The following DDX21 variants were observed in gnomAD, a reference collection of about 807,000 sequenced individuals.
The protein encoded by DDX21 is DExD-box helicase 21, also known as nucleolar RNA helicase 2.
Under a neutral mutation model 90.0 loss-of-function variants are expected in DDX21, and 18 were observed. The ratio of observed to expected loss-of-function variants is 0.20; its 90% CI spans 0.14 to 0.30. The LOEUF is 0.30. Among genes scored for constraint, DDX21 ranks in the 10% least tolerant of loss-of-function variants. DDX21 has a pLI of 1.00. For synonymous variants in DDX21, 294 were observed against 318.0 expected (o/e 0.92, Z 0.80); for missense variants, 673 against 944.5 (o/e 0.71, Z 3.77).
chr10:68,980,973 T>C (rs1216028952), intron 13 of DDX21, among the ~76,000 whole-genome samples: 1 of 151,540 alleles, frequency 6.6e-6, no homozygotes, highest in African/African-American at 2.4e-5. Flanking sequence ...AAAAAAAAGA[T>C]GGTGTCCTGT....
rs1351770058 is a variant in DDX21, at chr10:68,984,857, T to C, written c.*2045T>C. Reference sequence around the variant, plus strand: ...AACCTGTATTTATAAATGTATAATGTATTTAGCTACTTTTTGGTTTAAATG... The same window carrying C: ...AACCTGTATTTATAAATGTATAATGCATTTAGCTACTTTTTGGTTTAAATG... On this transcript the variant is annotated 3_prime_UTR_variant, in exon 15 of 15. Transcript: ENST00000354185. 2 of 152,246 alleles carry C rather than the reference T, an allele frequency of 1.3e-5. No homozygotes were observed. Among genetic ancestry groups the C allele is most frequent in the African/African-American group, 4.8e-5 (2 of 41,466 alleles). 9.4% of individuals were successfully genotyped at this position (152,246 alleles called of 1,614,324 possible).
intron 11 of DDX21, among the ~76,000 whole-genome samples, chr10:68,976,596 G>A (rs1433512602): frequency 6.6e-6 from 1 of 151,958 alleles, no homozygotes; most frequent in East Asian, 1.9e-4. Context: ...CTGGAAGAGT[G>A]TATTTTAACT....
chr10:68,979,253 C>A (rs1843152319), intron 13 of DDX21, among the ~76,000 whole-genome samples: 1 of 151,724 alleles, frequency 6.6e-6, no homozygotes, highest in Admixed American at 6.6e-5. Context: ...TTTTCAGAAT[C>A]TTTTTTTTTC....
intron 5 of DDX21, 41 bp downstream of exon 5, chr10:68,965,535 A>G: frequency 1.5e-6 from 2 of 1,375,234 alleles, no homozygotes; most frequent in Non-Finnish European, 2.1e-6. Context: ...AATGCCACCC[A>G]TTGTTGACTG....
rs963288137 is a variant in DDX21 at position 68,959,686 on chromosome 10, GC to G, written c.88-116del. On this transcript the variant is annotated intron_variant, in intron 1 of 14. Transcript: ENST00000354185. Reference sequence around the variant, plus strand: ...AGCATGAAAGTACAAATGTCGAAATGCCCCAAAATTGTATTTTTTAAAGTTG... The same window carrying G: ...AGCATGAAAGTACAAATGTCGAAATGCCCAAAATTGTATTTTTTAAAGTTG... The G allele has an allele frequency of 1.8e-5, 14 of 774,214 alleles. No homozygotes were observed. The Admixed American group carries it at 1.9e-4, about 10-fold the overall frequency. 48.0% of individuals were successfully genotyped at this position (774,214 alleles called of 1,614,324 possible). A position where few individuals can be genotyped will look rare whatever the true frequency, so the allele number is the denominator to read the frequency against.
Position 68,956,223 on chromosome 10 carries a change from A to G in DDX21, c.-3A>G. ...CGGTCGGCCTGGGCAACCTGCGCTG[A>G]AGATGCCGGGAAAACTCCGTAGTGA... On this transcript the variant is annotated 5_prime_UTR_variant, in exon 1 of 15. Transcript: ENST00000354185. 3 of 1,614,034 alleles carry G rather than the reference A, an allele frequency of 1.9e-6. No individual in the cohort carries two copies. In the South Asian group the frequency reaches 3.3e-5, roughly 18 times the overall value.
Position 68,970,346 on chromosome 10 carries a change from A to C in DDX21, c.1382A>C (p.Lys461Thr), listed in dbSNP as rs1391215998. 1 of 1,613,730 alleles carries C rather than the reference A, an allele frequency of 6.2e-7. No individual in the cohort carries two copies. Among genetic ancestry groups the C allele is most frequent in the Non-Finnish European group, 8.5e-7 (1 of 1,179,800 alleles). Residue 461 changes from lysine to threonine, a missense_variant, in exon 8 of 15, where the codon AAG becomes ACG. By Grantham distance (78) the Lys-to-Thr change is moderately conservative. This residue lies in a region of DDX21 where 218 missense variants were observed against 347.3 expected (regional missense o/e 0.63). Transcript: ENST00000354185. Reference protein sequence around the residue: ...AQELSQNSAIKQDAQSLHGDI... With the variant: ...AQELSQNSAITQDAQSLHGDI... Reference sequence around the variant, plus strand: ...GAGCTGTCCCAGAATTCAGCTATAAAGCAGGTTGGTCCTTCCCCTTATGCC... The same window carrying C: ...GAGCTGTCCCAGAATTCAGCTATAACGCAGGTTGGTCCTTCCCCTTATGCC...
At chr10:68,967,732 A>C (rs1203638212) in intron 6 of DDX21, among the ~76,000 whole-genome samples, 1 of 152,124 alleles carries the variant, frequency 6.6e-6, no homozygotes, top group Non-Finnish European at 1.5e-5. Flanking sequence ...ATATGTGTTG[A>C]TTATACTCTG....
chr10:68,971,628 A>G (rs1843029312), intron 8 of DDX21, among the ~76,000 whole-genome samples: 1 of 152,182 alleles, frequency 6.6e-6, no homozygotes, highest in Non-Finnish European at 1.5e-5. Context: ...GCTCAGACCT[A>G]AGGTTACACT....
chr10:68,980,957 A>AG (rs1281511029), intron 13 of DDX21, among the ~76,000 whole-genome samples: 2 of 151,556 alleles, frequency 1.3e-5, no homozygotes, highest in African/African-American at 2.4e-5. Context: ...CTATCTTAAG[A>AG]GGGAAAAAAA....
chr10:68,980,935 T>G (rs1369196743), intron 13 of DDX21, among the ~76,000 whole-genome samples: 3 of 150,982 alleles, frequency 2.0e-5, no homozygotes, highest in African/African-American at 7.3e-5. Flanking sequence ...GCCTAGGCAG[T>G]AGAGCAAGAC....
chr10:68,982,805 G>T lies in DDX21; in HGVS notation c.2345G>T (p.Gly782Val), dbSNP rs374652641. 1.9e-6 allele frequency: 3 copies of T among 1,613,826 alleles called. No homozygotes were observed. Among genetic ancestry groups the T allele is most frequent in the Admixed American group, 3.3e-5 (2 of 59,990 alleles). The part of the protein sequence containing the change: ...GQKRSFSKAF[G>V]Q ...AAGCGGAGTTTCAGTAAAGCATTTG[G>T]TCAATAATTAGAAATAGAAGATTTA... Residue 782 changes from glycine to valine, a missense_variant, in exon 15 of 15, where the codon GGT (glycine) becomes GTT (valine). This residue lies in a region of DDX21 where 225 missense variants were observed against 298.8 expected (regional missense o/e 0.75). Coordinates refer to ENST00000354185, the MANE Select transcript of DDX21 (RefSeq NM_004728.4).
intron 13 of DDX21, among the ~76,000 whole-genome samples, chr10:68,979,288 A>C (rs2132095405): frequency 6.6e-6 from 1 of 152,224 alleles, no homozygotes; most frequent in South Asian, 2.1e-4. Flanking sequence ...CTAGCACTGG[A>C]CTTATTCAGA....
At position 68,970,272 on chromosome 10, in the gene DDX21, T is replaced by C. The variant is rs1209922724; in HGVS notation, c.1308T>C (p.Gly436=). The C allele has an allele frequency of 1.2e-6, 2 of 1,613,958 alleles. No homozygotes were observed. The highest frequency in any genetic ancestry group is 3.3e-5 in the Admixed American group (2 of 60,010). ...VIGDVIRVYS[G]HQGRTIIFCE... is the part of the protein sequence containing the mutation. Reference sequence around the variant, plus strand: ...GGGATGTCATCCGAGTATATAGTGGTCATCAAGGACGCACTATCATCTTTT... The same window carrying C: ...GGGATGTCATCCGAGTATATAGTGGCCATCAAGGACGCACTATCATCTTTT... The change falls in exon 8 of 15, where the codon GGT becomes GGC. Residue 436 remains glycine (G), a synonymous_variant. Transcript: ENST00000354185.
intron 8 of DDX21, among the ~76,000 whole-genome samples, chr10:68,970,729 T>C (rs1179789961): frequency 1.3e-5 from 2 of 152,126 alleles, no homozygotes; most frequent in Non-Finnish European, 2.9e-5. Context: ...CTTGGCTCAC[T>C]GAAACCTCCG....
In DDX21 at chr10:68,977,580, T is replaced by C. The variant is rs556936102; in HGVS notation, c.1794T>C (p.Ala598=). Residue 598 remains alanine, a synonymous_variant, in exon 12 of 15, where the codon GCT becomes GCC. Transcript: ENST00000354185. ...CCATTAGTCACTTCAAACAATCAGC[T>C]GAGAAGCTGATAGAGGAGAAGGGAG... The part of the protein sequence containing the change: ...PTAISHFKQS[A]EKLIEEKGAV... 1.2e-6 allele frequency: 2 copies of C among 1,613,596 alleles called. No homozygotes were observed. The highest frequency in any genetic ancestry group is 1.7e-5 in the Admixed American group (1 of 59,986).
At chr10:68,971,210 A>G (rs1231317600) in intron 8 of DDX21, among the ~76,000 whole-genome samples, 6 of 151,916 alleles carry the variant, frequency 3.9e-5, no homozygotes, top group African/African-American at 1.2e-4. Context: ...AGTCACCACT[A>G]TCTAATTGGG....
intron 9 of DDX21, among the ~76,000 whole-genome samples, chr10:68,973,122 T>C (rs1258949172): frequency 6.6e-6 from 1 of 151,968 alleles, no homozygotes; most frequent in Non-Finnish European, 1.5e-5. Context: ...TTGAACCCGG[T>C]AGGCGGAGGT....
At chr10:68,970,945 G>A (rs997123861) in intron 8 of DDX21, among the ~76,000 whole-genome samples, 47 of 137,364 alleles carry the variant, frequency 3.4e-4, no homozygotes, top group African/African-American at 4.1e-4. Context: ...GAGCCACTGC[G>A]CCCAGCCTAA....
Sources: allele counts gnomAD v4.1 joint callset (sites outside exome capture counted in the v4.1 genomes callset), GRCh38; gene constraint gnomAD v4.1.1; regional missense constraint gnomAD v4.1.1; transcripts MANE v1.5; gene names NCBI Gene and HGNC (gene_info 2026-07-23, HGNC 2026-07-21).